RFX4: variants seen among roughly 807,000 people sequenced by gnomAD.
RFX4 encodes transcription factor RFX4.
A neutral mutation model predicts 95.0 loss-of-function variants in RFX4; 10 were observed. That is an observed-to-expected ratio of 0.11 (90% CI 0.06 to 0.18). The LOEUF (loss-of-function observed/expected upper bound fraction) is 0.18, where lower values mean the gene tolerates loss of function less well. Among genes scored for constraint, RFX4 ranks in the 10% least tolerant of loss-of-function variants. The pLI is 1.00. For missense variants in RFX4, 640 were observed against 922.0 expected, an observed-to-expected ratio of 0.69 and a Z score of 3.96; for synonymous variants, 321 against 340.7, an observed-to-expected ratio of 0.94 and a Z score of 0.64.
chr12:106,749,123 G>A (rs1041860343), intron 16 of RFX4, among the ~76,000 whole-genome samples: 1 of 151,600 alleles, frequency 6.6e-6, no homozygotes, highest in African/African-American at 2.4e-5. Flanking sequence ...GCTGGGCATG[G>A]TGGGTGCCTG....
chr12:106,739,798 T>C (rs1203167729), intron 15 of RFX4, among the ~76,000 whole-genome samples: 1 of 152,184 alleles, frequency 6.6e-6, no homozygotes, highest in Non-Finnish European at 1.5e-5. Context: ...CCCAAATTTG[T>C]AGGCTTGCTA....
intron 11 of RFX4, among the ~76,000 whole-genome samples, chr12:106,718,603 C>T (rs536036010): frequency 1.1e-4 from 16 of 152,212 alleles, no homozygotes; most frequent in Admixed American, 9.8e-4. Context: ...TTGTAGCAAG[C>T]GTCAACTAAG....
Position 106,762,414 on chromosome 12 carries a change from T to TTTGA in RFX4, c.*947_*950dup, listed in dbSNP as rs1593031423. The TTTGA allele has an allele frequency of 1.3e-5, 2 of 152,714 alleles. No individual in the cohort carries two copies. Among genetic ancestry groups the TTTGA allele is most frequent in the East Asian group, 1.9e-4 (1 of 5,176 alleles). 9.5% of individuals were successfully genotyped at this position (152,714 alleles called of 1,614,324 possible). A position where few individuals can be genotyped will look rare whatever the true frequency, so the allele number is the denominator to read the frequency against. ...ATAAAACTATAATAATATCCGACAC[T>TTTGA]TTGATAGAAAAAAATTCAAAGCTGT... On this transcript the variant is annotated 3_prime_UTR_variant, in exon 18 of 18. Transcript: ENST00000392842.
intron 1 of RFX4, among the ~76,000 whole-genome samples, chr12:106,598,786 AAT>A (rs1366209304): frequency 6.6e-6 from 1 of 152,210 alleles, no homozygotes; most frequent in Non-Finnish European, 1.5e-5. Flanking sequence ...AGGATGGAAT[AAT>A]ATCAGATGCC....
intron 8 of RFX4, 80 bp downstream of exon 8, chr12:106,696,526 C>A (rs965701032): frequency 3.3e-6 from 5 of 1,518,630 alleles, no homozygotes; most frequent in Non-Finnish European, 4.5e-6. Flanking sequence ...TGATTATAAT[C>A]ATGCACTGTC....
At chr12:106,740,262 G>A (rs1388209014) in intron 15 of RFX4, among the ~76,000 whole-genome samples, 1 of 152,180 alleles carries the variant, frequency 6.6e-6, no homozygotes, top group Non-Finnish European at 1.5e-5. Context: ...ATGTAACAAA[G>A]ATAACCGACC....
At chr12:106,748,809 G>A (rs1359513838) in intron 16 of RFX4, among the ~76,000 whole-genome samples, 2 of 152,142 alleles carry the variant, frequency 1.3e-5, no homozygotes, top group Middle Eastern at 3.2e-3. Flanking sequence ...AAATGGGCTG[G>A]GCGCAGTGGC....
chr12:106,732,219 A>G lies in RFX4; in HGVS notation c.1441A>G (p.Met481Val), dbSNP rs749970571. 1.2e-6 allele frequency: 2 copies of G among 1,613,962 alleles called. No individual in the cohort carries two copies. The highest frequency in any genetic ancestry group is 2.2e-5 in the South Asian group (2 of 91,076). ...CTGTCAGGAGCGGGCCAATGAGCTC[A>G]TGCGAGCCATGAAGGGAGAAGGAAG... ...LHCQERANEL[M>V]RAMKGEGSTA... Residue 481 changes from methionine to valine, a missense_variant, in exon 14 of 18, where the codon ATG (methionine) becomes GTG (valine). Met to Val is a conservative substitution (Grantham distance 21). Coordinates refer to ENST00000392842, the MANE Select transcript of RFX4 (RefSeq NM_213594.3).
At chr12:106,666,576 G>A (rs2137353887) in intron 4 of RFX4, among the ~76,000 whole-genome samples, 1 of 151,900 alleles carries the variant, frequency 6.6e-6, no homozygotes, top group Admixed American at 6.6e-5. Context: ...TTGCCCCCTA[G>A]TCCTTGGATG....
intron 2 of RFX4, among the ~76,000 whole-genome samples, chr12:106,610,269 T>TA (rs1237126665): frequency 6.8e-6 from 1 of 147,698 alleles, no homozygotes; most frequent in Admixed American, 6.8e-5. Context: ...GAATGAAACA[T>TA]ATCTGAACAT....
intron 2 of RFX4, among the ~76,000 whole-genome samples, chr12:106,628,917 G>A: frequency 6.6e-6 from 1 of 151,952 alleles, no homozygotes; most frequent in Non-Finnish European, 1.5e-5. Flanking sequence ...GCACCACCAT[G>A]CCTGGCTAAT....
chr12:106,718,560 T>C (rs538715176), intron 11 of RFX4, among the ~76,000 whole-genome samples: 8 of 152,336 alleles, frequency 5.3e-5, no homozygotes, highest in African/African-American at 1.9e-4. Flanking sequence ...AGCATTCTAG[T>C]GTTATGACCC....
At chr12:106,628,334 A>G (rs77261159) in intron 2 of RFX4, among the ~76,000 whole-genome samples, 163 of 152,282 alleles carry the variant, frequency 1.1e-3, no homozygotes, top group African/African-American at 3.6e-3. Context: ...ACTATGTCTG[A>G]CTGTATCTCA....
intron 1 of RFX4, among the ~76,000 whole-genome samples, chr12:106,594,432 G>GA (rs1174635095): frequency 6.6e-6 from 1 of 152,158 alleles, no homozygotes; most frequent in Non-Finnish European, 1.5e-5. Flanking sequence ...CAGGCTTTTA[G>GA]AAAAAACACA....
chr12:106,636,137 A>G (rs1322557570), intron 2 of RFX4, among the ~76,000 whole-genome samples: 1 of 152,178 alleles, frequency 6.6e-6, no homozygotes, highest in African/African-American at 2.4e-5. Context: ...GGATGGATGT[A>G]TACAGAAATA....
intron 15 of RFX4, 97 bp downstream of exon 15, chr12:106,733,182 C>T: frequency 1.5e-6 from 2 of 1,338,668 alleles, no homozygotes; most frequent in Middle Eastern, 2.0e-4. Flanking sequence ...TTTCCACACA[C>T]ACAAAAAGCC....
At chr12:106,735,356 A>T (rs894957132) in intron 15 of RFX4, among the ~76,000 whole-genome samples, 1 of 152,172 alleles carries the variant, frequency 6.6e-6, no homozygotes, top group Admixed American at 6.5e-5. Context: ...ATAGAGAGAA[A>T]GTGAAGATGT....
chr12:106,652,589 A>G (rs1348062465), intron 3 of RFX4, among the ~76,000 whole-genome samples: 1 of 152,170 alleles, frequency 6.6e-6, no homozygotes, highest in Non-Finnish European at 1.5e-5. Context: ...ATCCCAAGTT[A>G]CTCAATGTTC....
intron 2 of RFX4, among the ~76,000 whole-genome samples, chr12:106,629,300 A>G (rs566552555): frequency 2.6e-4 from 39 of 152,274 alleles, no homozygotes; most frequent in Non-Finnish European, 5.3e-4. Flanking sequence ...TTGCTGCTAC[A>G]GACAAGCTGC....
Sources: allele counts gnomAD v4.1 joint callset (sites outside exome capture counted in the v4.1 genomes callset), GRCh38; gene constraint gnomAD v4.1.1; transcripts MANE v1.5; gene names NCBI Gene and HGNC (gene_info 2026-07-23, HGNC 2026-07-21).